The following TRIM66 variants were observed in gnomAD, a reference collection of about 807,000 sequenced individuals.
The protein encoded by TRIM66 is tripartite motif-containing protein 66.
Under a neutral mutation model 148.2 loss-of-function variants are expected in TRIM66, and 99 were observed. That is an observed-to-expected ratio of 0.67 (90% confidence interval 0.57 to 0.79). The LOEUF (loss-of-function observed/expected upper bound fraction) is 0.79. Among genes scored for constraint, TRIM66 ranks in the 30% least tolerant of loss-of-function variants. The probability of loss-of-function intolerance (pLI) is 0.00; values close to 1 mark genes in which losing one functional copy is unlikely to be tolerated. For synonymous variants in TRIM66, 616 were observed against 635.9 expected, an observed-to-expected ratio of 0.97 and a Z score of 0.47; for missense variants, 1,666 against 1,697.9, an observed-to-expected ratio of 0.98 and a Z score of 0.33.
intron 6 of TRIM66, among the ~76,000 whole-genome samples, chr11:8,670,007 GTTTTTATTTATT>G: frequency 7.2e-6 from 1 of 138,548 alleles, no homozygotes; most frequent in Non-Finnish European, 1.6e-5. Flanking sequence ...GTCTTGTTTT[GTTTTTATTTATT>G]TTTTTTTTTT....
intron 24 of TRIM66, 99 bp downstream of exon 24, chr11:8,618,651 T>C: frequency 1.7e-6 from 2 of 1,171,018 alleles, no homozygotes; most frequent in Admixed American, 2.1e-5. Flanking sequence ...CCACCATCTT[T>C]TTGCACCACC....
chr11:8,626,420 T>C (rs989446004), intron 15 of TRIM66, among the ~76,000 whole-genome samples: 4 of 152,168 alleles, frequency 2.6e-5, no homozygotes, highest in African/African-American at 9.7e-5. Flanking sequence ...CTAAAGCTAT[T>C]TTGCCATGAA....
intron 1 of TRIM66, chr11:8,682,394 T>C (rs10840108): frequency 0.29 from 65,371 of 228,754 alleles, 10,010 homozygotes; most frequent in African/African-American, 0.37. Context: ...CACTAAGAAC[T>C]GTGGAGGTGC....
At chr11:8,663,226 G>C (rs1383648236) in intron 6 of TRIM66, 1 of 152,134 alleles carries the variant, frequency 6.6e-6, no homozygotes, top group African/African-American at 2.4e-5. Flanking sequence ...TAGTTGCTGG[G>C]GAGAATCTCA....
At chr11:8,641,811 G>A (rs376361525) in intron 13 of TRIM66, among the ~76,000 whole-genome samples, 16 of 152,150 alleles carry the variant, frequency 1.1e-4, no homozygotes, top group African/African-American at 1.7e-4. Flanking sequence ...TAGAGGTCTC[G>A]TGAGACCTGA....
intron 4 of TRIM66, among the ~76,000 whole-genome samples, chr11:8,673,622 A>C (rs1009178391): frequency 2.6e-5 from 4 of 152,242 alleles, no homozygotes; most frequent in Non-Finnish European, 5.9e-5. Context: ...TAGCTACAAG[A>C]GTGAGCACCA....
At chr11:8,622,365 C>CACACATATATATATATAT in intron 18 of TRIM66, among the ~76,000 whole-genome samples, 1 of 59,576 alleles carries the variant, frequency 1.7e-5, no homozygotes, top group Non-Finnish European at 3.9e-5. Flanking sequence ...CACACACACA[C>CACACATATATATATATAT]ATATATATAT....
Position 8,671,922 on chromosome 11 carries a change from G to C in TRIM66, c.204C>G (p.Cys68Trp). 1.3e-6 allele frequency: 2 copies of C among 1,536,172 alleles called. No homozygotes were observed. Among genetic ancestry groups the C allele is most frequent in the Non-Finnish European group, 1.7e-6 (2 of 1,146,912 alleles). The part of the protein sequence containing the change: ...SGQMEAMVMT[C>W]SLCHQDLPGM... ...CTGGCAGGTCCTGATGGCACAATGA[G>C]CAGGTCATTACCATGGCCTCCATCT... The change falls in exon 6 of 25, where the codon TGC becomes TGG. Residue 68 changes from cysteine (C) to tryptophan (W), a missense_variant. Physicochemically the swap from Cys to Trp is radical, Grantham distance 215. Coordinates refer to ENST00000646038, the MANE Select transcript of TRIM66 (RefSeq NM_001388022.1).
chr11:8,667,858 A>G (rs1269925089), intron 6 of TRIM66, among the ~76,000 whole-genome samples: 1 of 152,234 alleles, frequency 6.6e-6, no homozygotes, highest in Non-Finnish European at 1.5e-5. Flanking sequence ...TACTGCAAAT[A>G]ATGCTGCTAG....
chr11:8,646,390 G>C, intron 11 of TRIM66, 57 bp downstream of exon 11: 1 of 1,426,286 alleles, frequency 7.0e-7, no homozygotes, highest in South Asian at 1.2e-5. Flanking sequence ...CCTGGGACTA[G>C]CTTGATATAT....
chr11:8,682,225 G>A (rs975438693), intron 1 of TRIM66, among the ~76,000 whole-genome samples: 1 of 152,250 alleles, frequency 6.6e-6, no homozygotes, highest in African/African-American at 2.4e-5. Context: ...TGCCCACTCA[G>A]AAGTGTGAGA....
At chr11:8,629,174 A>G (rs1359105543) in intron 15 of TRIM66, among the ~76,000 whole-genome samples, 1 of 152,186 alleles carries the variant, frequency 6.6e-6, no homozygotes, top group African/African-American at 2.4e-5. Context: ...GCATTCCTTA[A>G]TGTCTCCTTG....
At chr11:8,677,114 AAG>A (rs886910088) in intron 3 of TRIM66, among the ~76,000 whole-genome samples, 1 of 152,250 alleles carries the variant, frequency 6.6e-6, no homozygotes, top group Non-Finnish European at 1.5e-5. Flanking sequence ...CATTGGGAAT[AAG>A]AATTTCAAAG....
chr11:8,682,705 G>A (rs759947084), upstream of TRIM66: 6 of 1,379,296 alleles, frequency 4.4e-6, no homozygotes, highest in East Asian at 2.3e-5. Flanking sequence ...AGGAGGCCCC[G>A]CCCGAAGCCC....
intron 6 of TRIM66, among the ~76,000 whole-genome samples, chr11:8,663,627 G>C (rs1363033698): frequency 1.3e-5 from 2 of 151,978 alleles, no homozygotes; most frequent in Non-Finnish European, 2.9e-5. Flanking sequence ...GCGGGGGGAG[G>C]GGACTACTGT....
At chr11:8,635,469 A>G (rs1592075271) in intron 15 of TRIM66, among the ~76,000 whole-genome samples, 1 of 152,094 alleles carries the variant, frequency 6.6e-6, no homozygotes, top group African/African-American at 2.4e-5. Flanking sequence ...AAGGCAACAA[A>G]TTTCCTCAAA....
intron 6 of TRIM66, 69 bp from the exon 7 acceptor site, chr11:8,651,972 G>C: frequency 7.8e-7 from 1 of 1,283,296 alleles, no homozygotes; most frequent in Non-Finnish European, 1.1e-6. Flanking sequence ...TGGACATAAG[G>C]CTTTCTAATA....
Position 8,670,014 on chromosome 11 carries a change from TTTA to T in TRIM66, c.340+1769_340+1771del, listed in dbSNP as rs1244882867. Reference sequence around the variant, plus strand: ...TTTGTTTTGTCTTGTTTTGTTTTTATTTATTTTTTTTTTTTTGAGACAGAGTCT... The same window carrying T: ...TTTGTTTTGTCTTGTTTTGTTTTTATTTTTTTTTTTTTTGAGACAGAGTCT... On this transcript the variant is annotated intron_variant, in intron 6 of 24. Coordinates refer to ENST00000646038, the MANE Select transcript of TRIM66 (RefSeq NM_001388022.1). Among the ~76,000 whole-genome samples, 3 of 99,804 alleles carry T rather than the reference TTTA, an allele frequency of 3.0e-5. 1 individual carries two copies. Among genetic ancestry groups the T allele is most frequent in the African/African-American group, 7.6e-5 (2 of 26,164 alleles). 65.5% of individuals were successfully genotyped at this position (99,804 alleles called of 152,430 possible).
At position 8,638,809 on chromosome 11, in the gene TRIM66, C is replaced by A; in HGVS notation, c.2155G>T (p.Asp719Tyr). ...GAGCCCTGAGATGCTGGGGGCTCATCTGTAGCCTGGAGAAGAAAATAAGAA... is the reference window on the plus strand; with the variant it reads ...GAGCCCTGAGATGCTGGGGGCTCATATGTAGCCTGGAGAAGAAAATAAGAA... ...QSQEETLQAT[D>Y]EPPASQGSKP... Residue 719 changes from aspartate (D) to tyrosine (Y), a missense_variant, in exon 15 of 25, where the codon GAT becomes TAT. Asp to Tyr is a radical substitution (Grantham distance 160). This residue lies in a region of TRIM66 where 1,431 missense variants were observed against 1,412.4 expected (regional missense o/e 1.01). Transcript: ENST00000646038. 6.4e-7 allele frequency: 1 copy of A among 1,550,964 alleles called. No individual in the cohort carries two copies. The highest frequency in any genetic ancestry group is 8.7e-7 in the Non-Finnish European group (1 of 1,146,806).
Sources: gnomAD v4.1 joint callset for allele counts (sites outside exome capture counted in the v4.1 genomes callset) on GRCh38, gnomAD v4.1.1 for gene constraint, gnomAD v4.1.1 regional missense constraint, MANE v1.5 for transcripts, NCBI Gene and HGNC (gene_info 2026-07-23, HGNC 2026-07-21) for gene names.